Variants in LNPEP observed in about 807,000 individuals in gnomAD.
LNPEP encodes leucyl-cystinyl aminopeptidase.
A neutral mutation model predicts 120.6 loss-of-function variants in LNPEP; 64 were observed. The observed-to-expected ratio is 0.53, with a 90% CI of 0.43 to 0.65. The LOEUF is 0.65. Ranked by LOEUF, LNPEP falls within the 30% of genes least tolerant of loss-of-function variation. The pLI, the probability that LNPEP is intolerant of heterozygous loss-of-function variation, is 0.00. For synonymous variants in LNPEP, 435 were observed against 425.4 expected, an observed-to-expected ratio of 1.02 and a Z score of -0.28; for missense variants, 1,057 against 1,200.0, an observed-to-expected ratio of 0.88 and a Z score of 1.76.
chr5:97,013,812 A>G lies in LNPEP; in HGVS notation c.2200A>G (p.Asn734Asp). Reference protein sequence around the residue: ...SDKDRANLINNIFELAGLGKV... With the variant: ...SDKDRANLINDIFELAGLGKV... ...CAAAGACCGAGCCAACCTTATCAAC[A>G]ACATCTTTGAACTTGCAGGGTAGAG... The change falls in exon 12 of 18, where the codon AAC becomes GAC. Residue 734 changes from asparagine (N) to aspartate (D), a missense_variant. Physicochemically the swap from Asn to Asp is conservative, Grantham distance 23. Coordinates refer to ENST00000231368, the MANE Select transcript of LNPEP (RefSeq NM_005575.3). 1.2e-6 allele frequency: 2 copies of G among 1,600,636 alleles called. No homozygotes were observed. Among genetic ancestry groups the G allele is most frequent in the South Asian group, 1.1e-5 (1 of 87,590 alleles).
intron 8 of LNPEP, among the ~76,000 whole-genome samples, chr5:97,002,911 G>A (rs1345566421): frequency 6.6e-6 from 1 of 152,098 alleles, no homozygotes; most frequent in Non-Finnish European, 1.5e-5. Context: ...GAAGAAGAGA[G>A]ATTCTGGTTA....
intron 3 of LNPEP, among the ~76,000 whole-genome samples, chr5:96,985,891 G>A (rs971684529): frequency 6.6e-6 from 1 of 152,024 alleles, no homozygotes; most frequent in Non-Finnish European, 1.5e-5. Flanking sequence ...AGGCAGCAGA[G>A]AGCATAATCT....
Position 97,003,513 on chromosome 5 carries a change from T to G in LNPEP, c.1752T>G (p.Ile584Met). Reference protein sequence around the residue: ...LYLHNHSYASIQSDDLWDSFN... With the variant: ...LYLHNHSYASMQSDDLWDSFN... ...TGCATAATCACAGCTATGCATCTAT[T>G]CAAAGTGATGATCTGTGGGATAGTT... Residue 584 changes from isoleucine (I) to methionine (M), a missense_variant, in exon 9 of 18, where the codon ATT (isoleucine) becomes ATG (methionine). By Grantham distance (10) the Ile-to-Met change is conservative (BLOSUM62 1). Coordinates refer to ENST00000231368, the MANE Select transcript of LNPEP (RefSeq NM_005575.3). The G allele has an allele frequency of 1.9e-6, 3 of 1,606,480 alleles. No homozygotes were observed. Among genetic ancestry groups the G allele is most frequent in the Non-Finnish European group, 2.6e-6 (3 of 1,175,622 alleles).
chr5:97,007,061 C>T (rs1187846049), intron 11 of LNPEP, among the ~76,000 whole-genome samples: 1 of 152,054 alleles, frequency 6.6e-6, no homozygotes, highest in Non-Finnish European at 1.5e-5. Flanking sequence ...TGCTGACCTA[C>T]AATATAAAAA....
At chr5:97,027,265 A>AT (rs770857772) in intron 16 of LNPEP, among the ~76,000 whole-genome samples, 23 of 151,916 alleles carry the variant, frequency 1.5e-4, no homozygotes, top group Non-Finnish European at 2.9e-4. Flanking sequence ...AGGCAAGAGA[A>AT]TGGTGTGAAT....
At position 97,028,815 on chromosome 5, in the gene LNPEP, CA is replaced by C. The variant is rs1293972260; in HGVS notation, c.*287del. 1.2e-5 allele frequency: 3 copies of C among 258,212 alleles called. No homozygotes were observed. Among genetic ancestry groups the C allele is most frequent in the African/African-American group, 2.3e-5 (1 of 43,706 alleles). 16.0% of individuals were successfully genotyped at this position (258,212 alleles called of 1,614,324 possible). ...TACTTTGAAGATACACAGATGGGGA[CA>C]AAAACCCTGTTTTGGAATTCTGTTC... is the stretch of plus-strand genomic sequence containing the variant. On this transcript the variant is annotated 3_prime_UTR_variant, in exon 18 of 18. Transcript: ENST00000231368.
intron 1 of LNPEP, among the ~76,000 whole-genome samples, chr5:96,949,868 G>C (rs1463767782): frequency 6.6e-6 from 1 of 151,662 alleles, no homozygotes; most frequent in East Asian, 1.9e-4. Flanking sequence ...TAACAGTTTT[G>C]TTTGGACTCT....
intron 10 of LNPEP, 53 bp from the exon 11 acceptor site, chr5:97,006,374 A>T (rs1582022250): frequency 4.6e-4 from 23 of 49,748 alleles, no homozygotes; most frequent in Admixed American, 4.0e-4. Flanking sequence ...CTACCAAATT[A>T]AAAAAAAAAA....
intron 13 of LNPEP, among the ~76,000 whole-genome samples, chr5:97,017,354 G>C (rs562983937): frequency 2.0e-5 from 3 of 151,916 alleles, no homozygotes; most frequent in African/African-American, 7.2e-5. Flanking sequence ...TAAGAGTTCT[G>C]TATATATCCT....
At chr5:97,011,040 C>A in intron 11 of LNPEP, 1 of 985,332 alleles carries the variant, frequency 1.0e-6, no homozygotes, top group Non-Finnish European at 1.2e-6. Flanking sequence ...TCCTCTTTAC[C>A]ATCTGGACTT....
At chr5:97,010,303 A>G in intron 11 of LNPEP, 1 of 973,336 alleles carries the variant, frequency 1.0e-6, no homozygotes, top group South Asian at 4.8e-5. Context: ...CCAAATGGAT[A>G]TCACTATCAG....
intron 6 of LNPEP, among the ~76,000 whole-genome samples, chr5:96,994,887 A>T (rs1382835808): frequency 1.3e-5 from 2 of 152,192 alleles, no homozygotes; most frequent in Non-Finnish European, 2.9e-5. Flanking sequence ...AGGCAGGCGT[A>T]TCACAAGGTC....
At position 96,979,124 on chromosome 5, in the gene LNPEP, T is replaced by C. The variant is rs1790064881; in HGVS notation, c.20-14T>C. 1 of 1,574,636 alleles carries C rather than the reference T, an allele frequency of 6.4e-7. No homozygotes were observed. On this transcript the variant is annotated splice_polypyrimidine_tract_variant and intron_variant, in intron 1 of 17. Coordinates refer to ENST00000231368, the MANE Select transcript of LNPEP (RefSeq NM_005575.3). ...TCTAACTCTGTGCCTTGTTCTTATG[T>C]TTTGGTTTTTTAGATCGGCTTCAGC...
chr5:96,981,761 G>A (rs1422989154), intron 2 of LNPEP, among the ~76,000 whole-genome samples: 1 of 152,202 alleles, frequency 6.6e-6, no homozygotes, highest in Non-Finnish European at 1.5e-5. Context: ...CTAAGAGACA[G>A]AGACAGTCAG....
At chr5:97,012,577 T>C (rs1582027262) in intron 11 of LNPEP, among the ~76,000 whole-genome samples, 2 of 152,314 alleles carry the variant, frequency 1.3e-5, no homozygotes, top group South Asian at 4.1e-4. Context: ...AGCAAAATAG[T>C]AAGCTTATGT....
chr5:96,939,193 A>G (rs1788993030), intron 1 of LNPEP, among the ~76,000 whole-genome samples: 1 of 151,254 alleles, frequency 6.6e-6, no homozygotes, highest in Admixed American at 6.6e-5. Flanking sequence ...TATGAAATAC[A>G]TACTAGAAAG....
intron 1 of LNPEP, among the ~76,000 whole-genome samples, chr5:96,951,418 T>G (rs1482158473): frequency 1.3e-5 from 2 of 152,090 alleles, no homozygotes; most frequent in African/African-American, 4.8e-5. Context: ...ACACCACGCC[T>G]GGCTAATTTT....
intron 3 of LNPEP, among the ~76,000 whole-genome samples, chr5:96,985,638 A>G (rs1439992929): frequency 6.6e-6 from 1 of 152,108 alleles, no homozygotes; most frequent in African/African-American, 2.4e-5. Context: ...TAATATGGAG[A>G]TTGACAACTA....
intron 8 of LNPEP, among the ~76,000 whole-genome samples, chr5:97,001,576 G>T (rs1790650418): frequency 6.6e-6 from 1 of 152,078 alleles, no homozygotes; most frequent in Non-Finnish European, 1.5e-5. Context: ...CCTTGGAGTT[G>T]GGAGATCAAC....
Sources: allele counts gnomAD v4.1 joint callset (sites outside exome capture counted in the v4.1 genomes callset), GRCh38; gene constraint gnomAD v4.1.1; transcripts MANE v1.5; gene names NCBI Gene and HGNC (gene_info 2026-07-23, HGNC 2026-07-21).